The following NCOA2 variants were observed in gnomAD, a reference collection of about 807,000 sequenced individuals.
The protein encoded by NCOA2 is class E basic helix-loop-helix protein 75.
A neutral mutation model predicts 145.1 loss-of-function variants in NCOA2; 21 were observed. The observed-to-expected ratio is 0.14, with a 90% CI of 0.10 to 0.21. NCOA2 has a LOEUF of 0.21. Among genes scored for constraint, NCOA2 ranks in the 10% least tolerant of loss-of-function variants. NCOA2 has a pLI of 1.00. For synonymous variants in NCOA2, 619 were observed against 637.5 expected, an observed-to-expected ratio of 0.97 and a Z score of 0.44; for missense variants, 1,472 against 1,837.6, an observed-to-expected ratio of 0.80 and a Z score of 3.64.
At position 70,126,876 on chromosome 8, in the gene NCOA2, T is replaced by C. The variant is rs758286585; in HGVS notation, c.3853A>G (p.Thr1285Ala). ...SMVAPSGMPA[T>A]MSNPRIPQAN... The stretch of plus-strand genomic sequence containing the variant: ...TGGGGAATCCGAGGGTTGCTCATAG[T>C]TGCTGGCATACCACTAGGAGCCACC... Residue 1285 changes from threonine (T) to alanine (A), a missense_variant, in exon 19 of 23, where the codon ACT becomes GCT. Thr to Ala is a moderately conservative substitution (Grantham distance 58). Transcript: ENST00000452400. 1 of 1,614,032 alleles carries C rather than the reference T, an allele frequency of 6.2e-7. No homozygotes were observed. The highest frequency in any genetic ancestry group is 1.7e-5 in the Admixed American group (1 of 60,024).
intron 1 of NCOA2, among the ~76,000 whole-genome samples, chr8:70,365,871 T>A (rs188702876): frequency 6.6e-6 from 1 of 152,238 alleles, no homozygotes; most frequent in East Asian, 1.9e-4. Flanking sequence ...AAGAAGATTA[T>A]CACCCAGCAA....
chr8:70,216,426 T>G (rs917055283), intron 3 of NCOA2, among the ~76,000 whole-genome samples: 2 of 152,262 alleles, frequency 1.3e-5, no homozygotes, highest in Non-Finnish European at 2.9e-5. Context: ...AAATTGATTC[T>G]AAGAGTCAAA....
intron 1 of NCOA2, among the ~76,000 whole-genome samples, chr8:70,347,056 T>C (rs1464897578): frequency 6.6e-6 from 1 of 152,248 alleles, no homozygotes; most frequent in East Asian, 1.9e-4. Context: ...CTTTTAATCA[T>C]CTTCATTCTA....
intron 15 of NCOA2, chr8:70,137,968 T>A (rs1809932928): frequency 5.8e-6 from 2 of 343,866 alleles, no homozygotes; most frequent in African/African-American, 2.1e-5. Flanking sequence ...ACACACTACC[T>A]CAATATTACA....
intron 2 of NCOA2, among the ~76,000 whole-genome samples, chr8:70,257,458 C>A (rs988034713): frequency 1.3e-5 from 2 of 151,980 alleles, no homozygotes; most frequent in Non-Finnish European, 2.9e-5. Context: ...TAGAGACAGA[C>A]AATAAACAAG....
Position 70,156,736 on chromosome 8 carries a change from C to T in NCOA2, c.1629G>A (p.Gly543=), listed in dbSNP as rs756573265. 4 of 1,613,860 alleles carry T rather than the reference C, an allele frequency of 2.5e-6. No homozygotes were observed. The highest frequency in any genetic ancestry group is 2.7e-5 in the African/African-American group (2 of 74,904). The change falls in exon 11 of 23, where the codon GGG becomes GGA. Residue 543 remains glycine (G), a synonymous_variant. Coordinates refer to ENST00000452400, the MANE Select transcript of NCOA2 (RefSeq NM_006540.4). ...ACGATGACCCTAATGAGACCCCGTGCCCCTCGCTGAGGGCCTGAAGTGCAT... is the reference window on the plus strand; with the variant it reads ...ACGATGACCCTAATGAGACCCCGTGTCCCTCGCTGAGGGCCTGAAGTGCAT... ...SLNALQALSE[G]HGVSLGSSLA... is the part of the protein sequence containing the mutation.
chr8:70,194,671 A>ATCT (rs1173804015), intron 4 of NCOA2, among the ~76,000 whole-genome samples: 3 of 122,996 alleles, frequency 2.4e-5, no homozygotes, highest in African/African-American at 9.2e-5. Context: ...GGGCTCTTTT[A>ATCT]TCTTCTTTTT....
At chr8:70,254,843 A>C (rs1823506634) in intron 2 of NCOA2, among the ~76,000 whole-genome samples, 1 of 152,208 alleles carries the variant, frequency 6.6e-6, no homozygotes, top group Non-Finnish European at 1.5e-5. Context: ...CTATACATTT[A>C]AGAATGGTTA....
the NCOA2 span, among the ~76,000 whole-genome samples, chr8:70,436,907 C>T: frequency 6.6e-6 from 1 of 152,160 alleles, no homozygotes; most frequent in African/African-American, 2.4e-5. Context: ...TTGGGAAATG[C>T]ATTTTGGAGG....
the NCOA2 span, among the ~76,000 whole-genome samples, chr8:70,449,836 G>A: frequency 2.6e-5 from 4 of 152,200 alleles, no homozygotes; most frequent in South Asian, 8.3e-4. Flanking sequence ...TTATTAGAAA[G>A]CATCGATGTC....
At chr8:70,179,163 A>C (rs894309605) in intron 4 of NCOA2, among the ~76,000 whole-genome samples, 1 of 152,210 alleles carries the variant, frequency 6.6e-6, no homozygotes, top group Non-Finnish European at 1.5e-5. Flanking sequence ...ACAAGAATGA[A>C]ACATATGTAT....
At chr8:70,370,254 A>G (rs1201941414) in intron 1 of NCOA2, among the ~76,000 whole-genome samples, 1 of 152,164 alleles carries the variant, frequency 6.6e-6, no homozygotes, top group African/African-American at 2.4e-5. Flanking sequence ...ACAAATGAAG[A>G]ATATTATGTC....
At chr8:70,331,567 G>T (rs1807102727) in intron 1 of NCOA2, among the ~76,000 whole-genome samples, 3 of 152,026 alleles carry the variant, frequency 2.0e-5, no homozygotes, top group Admixed American at 1.3e-4. Flanking sequence ...ATTAATTTAT[G>T]TGAAACTTCT....
At chr8:70,121,539 G>T in intron 21 of NCOA2, 148 bp from the exon 22 acceptor site, 1 of 617,692 alleles carries the variant, frequency 1.6e-6, no homozygotes, top group South Asian at 1.9e-5. Flanking sequence ...TCCTACACAA[G>T]CTCTCCCATG....
chr8:70,124,218 C>T (rs1278339301), intron 20 of NCOA2, 136 bp from the exon 21 acceptor site: 4 of 789,128 alleles, frequency 5.1e-6, no homozygotes, highest in African/African-American at 1.8e-5. Context: ...CTGAGACAGC[C>T]GGCAGGTGGT....
rs868236692 is a variant in NCOA2 at position 70,129,298 on chromosome 8, A to T, written c.3325-318T>A. 6.6e-5 allele frequency among the ~76,000 whole-genome samples: 10 copies of T among 152,234 alleles called. 2 individuals are homozygous for T. In the Middle Eastern group the frequency reaches 0.024, roughly 362 times the overall value. On this transcript the variant is annotated intron_variant, in intron 16 of 22. Transcript: ENST00000452400. Reference sequence around the variant, plus strand: ...CACTCCACCAATCATATTGGCCTGGACTTTCAGATGCAAATATCCCCTGGA... The same window carrying T: ...CACTCCACCAATCATATTGGCCTGGTCTTTCAGATGCAAATATCCCCTGGA...
At chr8:70,314,008 A>T (rs929097778) in intron 1 of NCOA2, among the ~76,000 whole-genome samples, 1 of 149,806 alleles carries the variant, frequency 6.7e-6, no homozygotes, top group African/African-American at 2.4e-5. Context: ...CCTACTAAAA[A>T]ATATATATAT....
chr8:70,448,156 A>C, the NCOA2 span, among the ~76,000 whole-genome samples: 1 of 152,152 alleles, frequency 6.6e-6, no homozygotes, highest in East Asian at 1.9e-4. Context: ...ATGGAGGCTA[A>C]TGCTAATTTT....
At chr8:70,296,480 C>T (rs140110958) in intron 2 of NCOA2, among the ~76,000 whole-genome samples, 7 of 152,242 alleles carry the variant, frequency 4.6e-5, no homozygotes, top group Middle Eastern at 3.4e-3. Flanking sequence ...CTGTAATCAA[C>T]TCATCCAATG....
Sources: allele counts gnomAD v4.1 joint callset (sites outside exome capture counted in the v4.1 genomes callset), GRCh38; gene constraint gnomAD v4.1.1; transcripts MANE v1.5; gene names NCBI Gene and HGNC (gene_info 2026-07-23, HGNC 2026-07-21).